TXNRD2: variants seen among roughly 807,000 people sequenced by gnomAD.
TXNRD2 encodes the protein thioredoxin reductase 2, also known as thioredoxin reductase 2, mitochondrial.
TXNRD2 carries 67 observed loss-of-function variants against 70.8 expected under a neutral mutation model. The ratio of observed to expected loss-of-function variants is 0.95; its 90% CI spans 0.78 to 1.16. The LOEUF is 1.16. Among genes scored for constraint, TXNRD2 ranks in the 50% most tolerant of loss-of-function variants. TXNRD2 has a pLI of 0.00. For missense variants in TXNRD2, 644 were observed against 719.9 expected (o/e 0.89, Z 1.21); for synonymous variants, 301 against 295.8 (o/e 1.02, Z -0.18).
rs541630216 is a variant in TXNRD2 at position 19,921,323 on chromosome 22, G to C, written c.173-1724C>G. Among the ~76,000 whole-genome samples the C allele has an allele frequency of 7.2e-5, 11 of 151,880 alleles. No homozygotes were observed. In the South Asian group the frequency reaches 2.3e-3, roughly 32 times the overall value. On this transcript the variant is annotated intron_variant, in intron 2 of 17. Coordinates refer to ENST00000400521, the MANE Select transcript of TXNRD2 (RefSeq NM_006440.5). ...CCAGCTGCTCGGGAGGCTAAGGTGG[G>C]GGGATGGCTTGAGCTTAGCAGGTGG...
intron 2 of TXNRD2, among the ~76,000 whole-genome samples, chr22:19,920,585 A>AAAAG (rs1192458486): frequency 9.0e-5 from 11 of 122,850 alleles, no homozygotes; most frequent in Non-Finnish European, 1.6e-4. Flanking sequence ...TCTGTCTCAA[A>AAAAG]AAAGAAAGAA....
chr22:19,917,119 T>A (rs1467238467), intron 5 of TXNRD2, among the ~76,000 whole-genome samples: 2 of 152,166 alleles, frequency 1.3e-5, no homozygotes, highest in Non-Finnish European at 2.9e-5. Flanking sequence ...TGGCAGCACT[T>A]TTCAGAAGAG....
At position 19,877,359 on chromosome 22, in the gene TXNRD2, C is replaced by T; in HGVS notation, c.1446-125G>A. The T allele has an allele frequency of 2.3e-6, 2 of 868,288 alleles. 1 individual carries two copies. Among genetic ancestry groups the T allele is most frequent in the South Asian group, 3.2e-5 (2 of 61,608 alleles). The allele number at this position is 868,288 out of a possible 1,614,324, so 53.8% of individuals were successfully genotyped here. On this transcript the variant is annotated intron_variant, in intron 16 of 17. Transcript: ENST00000400521. ...CTCCTCACTGTCCCCTGACCCCCAG[C>T]CAGCAGCCAGGACCCCTGCCCACAC...
chr22:19,941,620 G>A (rs540207628), intron 1 of TXNRD2, 81 bp downstream of exon 1: 279 of 1,362,296 alleles, frequency 2.0e-4, no homozygotes, highest in Non-Finnish European at 2.4e-4. Flanking sequence ...GGACACCCTG[G>A]CCACCGCCGC....
chr22:19,925,334 A>G (rs1415093135), intron 2 of TXNRD2, among the ~76,000 whole-genome samples: 1 of 151,754 alleles, frequency 6.6e-6, no homozygotes, highest in Non-Finnish European at 1.5e-5. Flanking sequence ...GGCAAAATAA[A>G]GACGTTTTCA....
rs538848989 is a variant in TXNRD2 at position 19,939,584 on chromosome 22, G to A, written c.103+2117C>T. On this transcript the variant is annotated intron_variant, in intron 1 of 17. Transcript: ENST00000400521. ...TGCTCCTGCAGAAATCTATACTAACGATAGTGTGTGGATGCCTGGAACTAC... is the reference window on the plus strand; with the variant it reads ...TGCTCCTGCAGAAATCTATACTAACAATAGTGTGTGGATGCCTGGAACTAC... Among the ~76,000 whole-genome samples, 5 of 151,652 alleles carry A rather than the reference G, an allele frequency of 3.3e-5. No individual in the cohort carries two copies. In the South Asian group the frequency reaches 1.0e-3, roughly 31 times the overall value.
chr22:19,888,050 G>C (rs541529703), intron 11 of TXNRD2: 1 of 152,308 alleles, frequency 6.6e-6, no homozygotes, highest in Non-Finnish European at 1.5e-5. Flanking sequence ...ACAAATGGAC[G>C]TGCTCACTTC....
intron 8 of TXNRD2, among the ~76,000 whole-genome samples, chr22:19,907,059 G>A (rs149586631): frequency 0.019 from 1,710 of 87,924 alleles, 94 homozygotes; most frequent in African/African-American, 0.08. Context: ...GAGTGTGGGC[G>A]CCGTGGATAG....
chr22:19,921,007 T>TGAGGCGG (rs1242252153), intron 2 of TXNRD2, among the ~76,000 whole-genome samples: 5 of 145,448 alleles, frequency 3.4e-5, no homozygotes, highest in Admixed American at 2.7e-4. Context: ...CTCGGGAGGC[T>TGAGGCGG]GAGGCGGGAG....
In TXNRD2 at chr22:19,900,128, C is replaced by T. The variant is rs576935390; in HGVS notation, c.663-1060G>A. Among the ~76,000 whole-genome samples, 7 of 152,314 alleles carry T rather than the reference C, an allele frequency of 4.6e-5. No homozygotes were observed. The East Asian group carries it at 9.6e-4, about 21-fold the overall frequency. ...TCCTCACTGTGGCTGGGGACAGAAC[C>T]GCACCACTGTCAGGATTAGGGTGAG... On this transcript the variant is annotated intron_variant, in intron 8 of 17. Transcript: ENST00000400521.
At chr22:19,900,217 ACAGCGAAGGGGGACCCTGGGACCCC>A (rs1432924132) in intron 8 of TXNRD2, among the ~76,000 whole-genome samples, 14 of 152,178 alleles carry the variant, frequency 9.2e-5, no homozygotes, top group Non-Finnish European at 1.8e-4. Flanking sequence ...GCATGTGAGG[ACAGCGAAGGGGGACCCTGGGACCCC>A]CAGCCAAGCA....
intron 2 of TXNRD2, among the ~76,000 whole-genome samples, chr22:19,920,706 A>G (rs556674802): frequency 6.6e-6 from 1 of 152,348 alleles, no homozygotes; most frequent in African/African-American, 2.4e-5. Flanking sequence ...CTCCCAAGGC[A>G]CACACAAATC....
intron 8 of TXNRD2, among the ~76,000 whole-genome samples, chr22:19,903,218 TGGGCAG>T (rs994462988): frequency 2.6e-5 from 4 of 152,216 alleles, no homozygotes; most frequent in African/African-American, 9.6e-5. Context: ...CACGGGGACC[TGGGCAG>T]GGGCTACAGA....
At chr22:19,886,189 G>A (rs546992247) in intron 11 of TXNRD2, among the ~76,000 whole-genome samples, 1 of 152,364 alleles carries the variant, frequency 6.6e-6, no homozygotes, top group South Asian at 2.1e-4. Context: ...GCAGCCGAGG[G>A]CACAGTGGGG....
rs1569080760 is a variant in TXNRD2 at position 19,895,229 on chromosome 22, G to A, written c.949+178C>T. ...GGGATGGCAAGATGGGCACAGCCTA[G>A]TGTGAGTGCCGCCCCACAGGCCTTC... is the stretch of plus-strand genomic sequence containing the variant. On this transcript the variant is annotated intron_variant, in intron 11 of 17. Transcript: ENST00000400521. 4 of 1,595,780 alleles carry A rather than the reference G, an allele frequency of 2.5e-6. No homozygotes were observed. The East Asian group carries it at 6.7e-5, about 27-fold the overall frequency.
chr22:19,912,768 G>C (rs1251693298), intron 7 of TXNRD2, among the ~76,000 whole-genome samples: 4 of 152,224 alleles, frequency 2.6e-5, no homozygotes, highest in Non-Finnish European at 5.9e-5. Flanking sequence ...GCTGCCTGGC[G>C]GCCAGACAAG....
chr22:19,930,302 C>A (rs1369836628), intron 2 of TXNRD2, among the ~76,000 whole-genome samples: 1 of 152,168 alleles, frequency 6.6e-6, no homozygotes, highest in Non-Finnish European at 1.5e-5. Context: ...AGCCCCACCT[C>A]CCTCTCATCC....
chr22:19,892,207 T>G (rs1308050347), intron 11 of TXNRD2, among the ~76,000 whole-genome samples: 1 of 152,246 alleles, frequency 6.6e-6, no homozygotes, highest in African/African-American at 2.4e-5. Context: ...GGATCATCCT[T>G]TATTGCAAGT....
intron 6 of TXNRD2, among the ~76,000 whole-genome samples, chr22:19,915,559 C>T (rs747153956): frequency 5.9e-5 from 9 of 152,224 alleles, no homozygotes; most frequent in Admixed American, 3.9e-4. Flanking sequence ...TGGTCACCAA[C>T]CCTGTTGCCA....
Sources: gnomAD v4.1 joint callset for allele counts (sites outside exome capture counted in the v4.1 genomes callset) on GRCh38, gnomAD v4.1.1 for gene constraint, MANE v1.5 for transcripts, NCBI Gene and HGNC (gene_info 2026-07-23, HGNC 2026-07-21) for gene names.